GPR180: variants seen among roughly 807,000 people sequenced by gnomAD.
The protein encoded by GPR180 is integral membrane protein GPR180.
GPR180 carries 53 observed loss-of-function variants against 52.6 expected under a neutral mutation model. The observed-to-expected ratio is 1.01, with a 90% confidence interval of 0.81 to 1.27. GPR180 has a LOEUF of 1.27. GPR180 is among the 50% of genes most tolerant of loss of function. The probability of loss-of-function intolerance (pLI) is 0.00; values close to 1 mark genes in which losing one functional copy is unlikely to be tolerated. For synonymous variants in GPR180, 200 were observed against 193.1 expected (o/e 1.04, Z -0.30); for missense variants, 533 against 527.0 (o/e 1.01, Z -0.11).
chr13:94,619,385 A>G, intron 4 of GPR180, 55 bp downstream of exon 4: 1 of 1,602,890 alleles, frequency 6.2e-7, no homozygotes, highest in Non-Finnish European at 8.5e-7. Context: ...AATCCTAATT[A>G]GTCCACCAAA....
rs767929868 is a variant in GPR180, at chr13:94,629,441, T to C, written c.*2270T>C. The C allele has an allele frequency of 5.9e-5, 9 of 152,204 alleles. No homozygotes were observed. The highest frequency in any genetic ancestry group is 1.3e-4 in the Non-Finnish European group (9 of 68,008). 9.4% of individuals were successfully genotyped at this position (152,204 alleles called of 1,614,324 possible). On this transcript the variant is annotated 3_prime_UTR_variant, in exon 9 of 9. Transcript: ENST00000376958. ...TGTGTATAATAAGATGGGTGCCTAC[T>C]GTGATGCATTTTACCAGGCATTTTA...
At chr13:94,620,875 AATAT>A (rs1220391775) in intron 5 of GPR180, among the ~76,000 whole-genome samples, 199 bp from the exon 6 acceptor site, 1 of 152,104 alleles carries the variant, frequency 6.6e-6, no homozygotes, top group Non-Finnish European at 1.5e-5. Flanking sequence ...TATTTTAATA[AATAT>A]ATTACAAAAT....
intron 3 of GPR180, among the ~76,000 whole-genome samples, chr13:94,616,052 G>T (rs1242113629): frequency 6.6e-6 from 1 of 152,198 alleles, no homozygotes; most frequent in African/African-American, 2.4e-5. Flanking sequence ...CAGACTATCA[G>T]TGTTGTTCTT....
At position 94,621,220 on chromosome 13, in the gene GPR180, C is replaced by A. The variant is rs1889847924; in HGVS notation, c.879C>A (p.Phe293Leu). 1.0e-5 allele frequency: 16 copies of A among 1,598,468 alleles called. No individual in the cohort carries two copies. Among genetic ancestry groups the A allele is most frequent in the African/African-American group, 1.3e-5 (1 of 74,318 alleles). ...CTGCATCCACTGGCATTGCAGTATTCATTGTCATGACACAGGTGGGTATTG... is the reference window on the plus strand; with the variant it reads ...CTGCATCCACTGGCATTGCAGTATTAATTGTCATGACACAGGTGGGTATTG... Reference protein sequence around the residue: ...STPASTGIAVFIVMTQSVLLL... With the variant: ...STPASTGIAVLIVMTQSVLLL... The change falls in exon 6 of 9, where the codon TTC becomes TTA. Residue 293 changes from phenylalanine (F) to leucine (L), a missense_variant. By Grantham distance (22) the Phe-to-Leu change is conservative (BLOSUM62 0). Transcript: ENST00000376958.
rs1247025124 is a variant in GPR180 at position 94,632,719 on chromosome 13, C to G, written c.*5548C>G. The G allele has an allele frequency of 4.6e-5, 7 of 152,110 alleles. No homozygotes were observed. Among genetic ancestry groups the G allele is most frequent in the Admixed American group, 2.6e-4 (4 of 15,266 alleles). The allele number at this position is 152,110 out of a possible 1,614,324, so 9.4% of individuals were successfully genotyped here. On this transcript the variant is annotated 3_prime_UTR_variant, in exon 9 of 9. Coordinates refer to ENST00000376958, the MANE Select transcript of GPR180 (RefSeq NM_180989.6). ...TATTCATAGTGAGCTCTGATAGTTA[C>G]GCTAACCAGATGACTCAAATAGGGG...
rs1889972053 is a variant in GPR180, at chr13:94,629,845, A to G, written c.*2674A>G. 6.6e-6 allele frequency: 1 copy of G among 152,216 alleles called. No homozygotes were observed. Among genetic ancestry groups the G allele is most frequent in the African/African-American group, 2.4e-5 (1 of 41,460 alleles). 9.4% of individuals were successfully genotyped at this position (152,216 alleles called of 1,614,324 possible). On this transcript the variant is annotated 3_prime_UTR_variant, in exon 9 of 9. Transcript: ENST00000376958. ...TCTCCAGTAAAGTCACATCTGATGA[A>G]CATAGGAGATACACAAATCTGAGAT...
rs1159389198 is a variant in GPR180, at chr13:94,634,264, C to G, written c.*7093C>G. The G allele has an allele frequency of 6.6e-6, 1 of 151,914 alleles. No individual in the cohort carries two copies. Among genetic ancestry groups the G allele is most frequent in the Non-Finnish European group, 1.5e-5 (1 of 67,998 alleles). 9.4% of individuals were successfully genotyped at this position (151,914 alleles called of 1,614,324 possible). On this transcript the variant is annotated 3_prime_UTR_variant, in exon 9 of 9. Transcript: ENST00000376958. ...TTCTTAACGTGTTGAGTGTTAAACCCACAGGTGGTAGCATGACATTGACTC... is the reference window on the plus strand; with the variant it reads ...TTCTTAACGTGTTGAGTGTTAAACCGACAGGTGGTAGCATGACATTGACTC...
chr13:94,622,795 G>T (rs746700609), intron 6 of GPR180, among the ~76,000 whole-genome samples: 4 of 152,192 alleles, frequency 2.6e-5, no homozygotes, highest in African/African-American at 9.6e-5. Context: ...GGCTGGTCTC[G>T]AACTCCTGAC....
At chr13:94,625,403 A>T (rs1041960127) in intron 7 of GPR180, among the ~76,000 whole-genome samples, 2 of 152,066 alleles carry the variant, frequency 1.3e-5, no homozygotes, top group Non-Finnish European at 2.9e-5. Context: ...TTCAACAGCT[A>T]TTTATTAACT....
At chr13:94,613,497 G>T (rs914714194) in intron 3 of GPR180, among the ~76,000 whole-genome samples, 1 of 152,138 alleles carries the variant, frequency 6.6e-6, no homozygotes, top group African/African-American at 2.4e-5. Context: ...ATGTTGCCCA[G>T]GTTGTCTCAA....
At chr13:94,602,974 G>A (rs1889580022) in intron 1 of GPR180, among the ~76,000 whole-genome samples, 1 of 151,826 alleles carries the variant, frequency 6.6e-6, no homozygotes, top group South Asian at 2.1e-4. Context: ...TATTGGCCTA[G>A]AAAATATTGT....
At chr13:94,618,459 C>G (rs1458699181) in intron 3 of GPR180, among the ~76,000 whole-genome samples, 1 of 73,536 alleles carries the variant, frequency 1.4e-5, no homozygotes, top group Non-Finnish European at 2.5e-5. Flanking sequence ...GAGCTGCAGA[C>G]AGTTTATCTC....
chr13:94,605,673 G>A, intron 2 of GPR180, 124 bp downstream of exon 2: 15 of 730,772 alleles, frequency 2.1e-5, no homozygotes, highest in Non-Finnish European at 3.2e-5. Flanking sequence ...ATGACACTTT[G>A]TCTAGTACAT....
At chr13:94,607,836 A>G (rs1889654785) in intron 2 of GPR180, among the ~76,000 whole-genome samples, 1 of 152,208 alleles carries the variant, frequency 6.6e-6, no homozygotes, top group Admixed American at 6.6e-5. Context: ...CACTATGAGA[A>G]TGAGAATTGA....
At chr13:94,619,034 A>T in intron 3 of GPR180, 116 bp from the exon 4 acceptor site, 1 of 839,182 alleles carries the variant, frequency 1.2e-6, no homozygotes. Flanking sequence ...GGTGAATGCT[A>T]TGACTCCAGT....
intron 1 of GPR180, 41 bp downstream of exon 1, chr13:94,602,113 C>T (rs1403495801): frequency 5.5e-6 from 7 of 1,283,018 alleles, no homozygotes; most frequent in Non-Finnish European, 6.9e-6. Context: ...GCGCGCTGGC[C>T]CATCCCGCCG....
At chr13:94,624,643 C>T (rs1412879850) in intron 7 of GPR180, among the ~76,000 whole-genome samples, 7 of 152,152 alleles carry the variant, frequency 4.6e-5, no homozygotes, top group Admixed American at 1.3e-4. Context: ...CTGCAAGCTC[C>T]GCCTTCCGGG....
At position 94,630,284 on chromosome 13, in the gene GPR180, G is replaced by T. The variant is rs895431878; in HGVS notation, c.*3113G>T. 6.6e-6 allele frequency: 1 copy of T among 152,224 alleles called. No homozygotes were observed. Among genetic ancestry groups the T allele is most frequent in the African/African-American group, 2.4e-5 (1 of 41,440 alleles). 9.4% of individuals were successfully genotyped at this position (152,224 alleles called of 1,614,324 possible). A position where few individuals can be genotyped will look rare whatever the true frequency, so the allele number is the denominator to read the frequency against. The stretch of plus-strand genomic sequence containing the variant: ...GCTCCAGGGGCATCATATGTGTTGT[G>T]CTGTAGGAGTGCCATGAAGCCTGGA... On this transcript the variant is annotated 3_prime_UTR_variant, in exon 9 of 9. Transcript: ENST00000376958.
intron 2 of GPR180, 97 bp from the exon 3 acceptor site, chr13:94,612,086 ATAAAAAT>A: frequency 1.2e-6 from 1 of 851,330 alleles, no homozygotes; most frequent in Non-Finnish European, 1.9e-6. Flanking sequence ...TTCTGAGACA[ATAAAAAT>A]TAAAAGATTG....
Sources: allele counts gnomAD v4.1 joint callset (sites outside exome capture counted in the v4.1 genomes callset), GRCh38; gene constraint gnomAD v4.1.1; transcripts MANE v1.5; gene names NCBI Gene and HGNC (gene_info 2026-07-23, HGNC 2026-07-21).